The following BCAR3 variants were observed in gnomAD, a reference collection of about 807,000 sequenced individuals.
The protein encoded by BCAR3 is breast cancer anti-estrogen resistance protein 3.
BCAR3 carries 37 observed loss-of-function variants against 80.1 expected under a neutral mutation model. That is an observed-to-expected ratio of 0.46 (90% CI 0.36 to 0.61). The LOEUF is 0.61. Ranked by LOEUF, BCAR3 falls within the 20% of genes least tolerant of loss-of-function variation. The pLI, the probability that BCAR3 is intolerant of heterozygous loss-of-function variation, is 0.00. For synonymous variants in BCAR3, 389 were observed against 418.9 expected (o/e 0.93, Z 0.87); for missense variants, 978 against 1,068.2 (o/e 0.92, Z 1.18).
chr1:93,697,084 A>G (rs979410861), intron 3 of BCAR3, among the ~76,000 whole-genome samples: 16 of 152,226 alleles, frequency 1.1e-4, no homozygotes, highest in South Asian at 2.1e-4. Flanking sequence ...ACCCAGGTAC[A>G]GCGCACCTCG....
At chr1:93,764,051 G>A (rs578256372) in intron 2 of BCAR3, among the ~76,000 whole-genome samples, 1 of 152,186 alleles carries the variant, frequency 6.6e-6, no homozygotes, top group East Asian at 1.9e-4. Context: ...GCTGTTGAAA[G>A]CCCACATTTA....
intron 3 of BCAR3, among the ~76,000 whole-genome samples, chr1:93,700,459 G>A (rs1254254230): frequency 1.3e-5 from 2 of 152,220 alleles, no homozygotes; most frequent in African/African-American, 2.4e-5. Context: ...GAGCCACTGC[G>A]CCTGGCCTAG....
intron 8 of BCAR3, among the ~76,000 whole-genome samples, chr1:93,572,112 G>A (rs991603341): frequency 2.0e-4 from 31 of 152,184 alleles, no homozygotes; most frequent in African/African-American, 7.5e-4. Context: ...GGACCTGGGG[G>A]CACAAAGAGG....
intron 2 of BCAR3, among the ~76,000 whole-genome samples, chr1:93,709,176 G>C (rs1649930977): frequency 6.6e-6 from 1 of 152,224 alleles, no homozygotes; most frequent in Admixed American, 6.5e-5. Context: ...AAGAACGAGG[G>C]GGAGTCCACA....
chr1:93,633,860 G>A (rs1439572244), intron 3 of BCAR3, among the ~76,000 whole-genome samples: 2 of 152,154 alleles, frequency 1.3e-5, no homozygotes, highest in South Asian at 2.1e-4. Context: ...AGCTGGTCTC[G>A]AACTCCTGAC....
rs1426430730 is a variant in BCAR3, at chr1:93,578,974, C to G, written c.1687-2845G>C. 2.6e-5 allele frequency among the ~76,000 whole-genome samples: 4 copies of G among 152,330 alleles called. 1 individual carries two copies. In the East Asian group the frequency reaches 7.7e-4, roughly 29 times the overall value. ...GGCTGTTCAGCTGATGTGGCAGAGG[C>G]AGGATTCAGGCTCAGTCGGGCCAAG... On this transcript the variant is annotated intron_variant, in intron 7 of 11. Transcript: ENST00000260502.
chr1:93,595,835 G>C (rs1674397823), intron 3 of BCAR3, among the ~76,000 whole-genome samples: 1 of 152,236 alleles, frequency 6.6e-6, no homozygotes, highest in South Asian at 2.1e-4. Context: ...CTGCTTCATA[G>C]CACTGGTCAT....
chr1:93,735,405 T>C (rs916684191), intron 2 of BCAR3, among the ~76,000 whole-genome samples: 10 of 152,228 alleles, frequency 6.6e-5, no homozygotes, highest in African/African-American at 9.7e-5. Flanking sequence ...AGCTCTGTCA[T>C]GGCAGACAAC....
At chr1:93,587,930 C>T (rs1410550173) in intron 5 of BCAR3, among the ~76,000 whole-genome samples, 2 of 152,128 alleles carry the variant, frequency 1.3e-5, no homozygotes, top group Non-Finnish European at 2.9e-5. Flanking sequence ...ACGTCGCTGA[C>T]ATTTGACAGC....
chr1:93,724,043 C>T (rs1024862747), intron 2 of BCAR3, among the ~76,000 whole-genome samples: 1 of 152,156 alleles, frequency 6.6e-6, no homozygotes, highest in African/African-American at 2.4e-5. Context: ...TCTGTCCAGG[C>T]CAGTAGGAGC....
intron 2 of BCAR3, among the ~76,000 whole-genome samples, chr1:93,832,249 C>A (rs1654592149): frequency 6.6e-6 from 1 of 152,238 alleles, no homozygotes; most frequent in Non-Finnish European, 1.5e-5. Context: ...ACCCCAGCCA[C>A]ATCTCCAGCA....
At position 93,662,467 on chromosome 1, in the gene BCAR3, T is replaced by TA. The variant is rs958602331; in HGVS notation, c.317+12146dup. On this transcript the variant is annotated intron_variant, in intron 2 of 11. Coordinates refer to ENST00000260502, the MANE Select transcript of BCAR3 (RefSeq NM_003567.4). ...CAAAATACCAAGATCTCTTTTTTTT[T>TA]AAAAAAAAATCTCATTTCTGTTGCT... Among the ~76,000 whole-genome samples the TA allele has an allele frequency of 2.7e-3, 410 of 151,666 alleles. 12 individuals are homozygous for TA. Among genetic ancestry groups the TA allele is most frequent in the East Asian group, 8.1e-3 (42 of 5,172 alleles).
intron 3 of BCAR3, among the ~76,000 whole-genome samples, chr1:93,700,529 G>A (rs2101971985): frequency 6.6e-6 from 1 of 152,286 alleles, no homozygotes; most frequent in Non-Finnish European, 1.5e-5. Context: ...CACTGTACCT[G>A]AGCATCCCCG....
At chr1:93,838,800 G>C (rs1245322470) in intron 2 of BCAR3, among the ~76,000 whole-genome samples, 1 of 152,142 alleles carries the variant, frequency 6.6e-6, no homozygotes, top group Non-Finnish European at 1.5e-5. Flanking sequence ...TACTGGTTGT[G>C]ACTATCTACC....
intron 3 of BCAR3, among the ~76,000 whole-genome samples, chr1:93,624,030 C>T (rs529974982): frequency 1.3e-5 from 2 of 152,246 alleles, no homozygotes; most frequent in Admixed American, 1.3e-4. Context: ...GATAACAATA[C>T]ACGAATTTGC....
chr1:93,631,617 T>A (rs1341615247), intron 3 of BCAR3, among the ~76,000 whole-genome samples: 1 of 152,178 alleles, frequency 6.6e-6, no homozygotes, highest in Non-Finnish European at 1.5e-5. Context: ...AAGCCACAGT[T>A]TCAATTCTTG....
intron 2 of BCAR3, among the ~76,000 whole-genome samples, chr1:93,722,078 GC>G (rs1650426041): frequency 6.6e-6 from 1 of 152,206 alleles, no homozygotes; most frequent in Non-Finnish European, 1.5e-5. Context: ...GTGGGGACTG[GC>G]CATCCTGCAG....
At chr1:93,567,874 GAAA>G (rs776390460) in intron 9 of BCAR3, 23 bp from the exon 10 acceptor site, 1 of 1,591,424 alleles carries the variant, frequency 6.3e-7, no homozygotes, top group Non-Finnish European at 8.6e-7. Flanking sequence ...TGGTGTTTTG[GAAA>G]AGGTTCTTTT....
At chr1:93,642,532 C>G (rs1676015557) in intron 2 of BCAR3, among the ~76,000 whole-genome samples, 189 bp from the exon 3 acceptor site, 2 of 152,148 alleles carry the variant, frequency 1.3e-5, no homozygotes, top group South Asian at 4.1e-4. Context: ...TCTAGAAGCT[C>G]CCACATGCTT....
Sources: gnomAD v4.1 joint callset for allele counts (sites outside exome capture counted in the v4.1 genomes callset) on GRCh38, gnomAD v4.1.1 for gene constraint, MANE v1.5 for transcripts, NCBI Gene and HGNC (gene_info 2026-07-23, HGNC 2026-07-21) for gene names.